NRXN1: variants seen among roughly 807,000 people sequenced by gnomAD.
NRXN1 encodes the protein neurexin-1.
In NRXN1, 39 loss-of-function variants were observed where a neutral mutation model predicts 150.9. That is an observed-to-expected ratio of 0.26 (90% CI 0.20 to 0.34). The LOEUF (loss-of-function observed/expected upper bound fraction) is 0.34, where lower values mean the gene tolerates loss of function less well. NRXN1 is among the 10% of genes least tolerant of loss of function. The pLI is 1.00. For missense variants in NRXN1, 1,815 were observed against 1,949.9 expected (o/e 0.93, Z 1.30); for synonymous variants, 924 against 757.0 (o/e 1.22, Z -3.62).
chr2:50,318,831 G>A (rs1489698869), intron 17 of NRXN1, among the ~76,000 whole-genome samples: 1 of 151,878 alleles, frequency 6.6e-6, no homozygotes, highest in East Asian at 1.9e-4. Context: ...TAAATAAGAG[G>A]GGCATACACA....
At chr2:50,293,291 A>T (rs1027656002) in intron 17 of NRXN1, among the ~76,000 whole-genome samples, 22 of 152,108 alleles carry the variant, frequency 1.4e-4, no homozygotes, top group African/African-American at 4.8e-4. Context: ...CAACATGCCC[A>T]TATAGTTATA....
chr2:49,926,307 G>C (rs540019975), intron 22 of NRXN1: 1 of 398,388 alleles, frequency 2.5e-6, no homozygotes, highest in Admixed American at 4.4e-5. Flanking sequence ...CCACTGAAAA[G>C]TAGTTTTTAA....
At chr2:49,993,204 CA>C (rs1682325666) in intron 21 of NRXN1, among the ~76,000 whole-genome samples, 1 of 152,048 alleles carries the variant, frequency 6.6e-6, no homozygotes, top group Non-Finnish European at 1.5e-5. Flanking sequence ...GTGGTACACC[CA>C]GATAATGGAA....
intron 17 of NRXN1, among the ~76,000 whole-genome samples, chr2:50,287,680 C>T (rs1199810541): frequency 6.6e-6 from 1 of 152,044 alleles, no homozygotes; most frequent in Non-Finnish European, 1.5e-5. Flanking sequence ...TTTCTGTTTC[C>T]ATATTTTATG....
chr2:50,815,134 C>T (rs1463496032), intron 5 of NRXN1, among the ~76,000 whole-genome samples: 1 of 151,942 alleles, frequency 6.6e-6, no homozygotes, highest in African/African-American at 2.4e-5. Flanking sequence ...ACTGTGTTTG[C>T]ACTATTCCTA....
Position 51,027,595 on chromosome 2 carries a change from C to T in NRXN1, c.679G>A (p.Val227Met). The T allele has an allele frequency of 6.2e-7, 1 of 1,604,986 alleles. No homozygotes were observed. Among genetic ancestry groups the T allele is most frequent in the South Asian group, 1.1e-5 (1 of 89,862 alleles). ...GAGCACACACCTCCGTTGAGGCACACCCCGCCCTCGCCCTCCTCGCCCGCC... is the reference window on the plus strand; with the variant it reads ...GAGCACACACCTCCGTTGAGGCACATCCCGCCCTCGCCCTCCTCGCCCGCC... Reference protein sequence around the residue: ...CEAGEEGEGGVCLNGGVCSVV... With the variant: ...CEAGEEGEGGMCLNGGVCSVV... The change falls in exon 2 of 23, where the codon GTG becomes ATG. Residue 227 changes from valine (V) to methionine (M), a missense_variant. Around this residue, in one of 6 missense-constraint regions of NRXN1, gnomAD observed 554 missense variants for 478.8 expected, o/e 1.16. Coordinates refer to ENST00000401669, the MANE Select transcript of NRXN1 (RefSeq NM_001330078.2).
intron 5 of NRXN1, among the ~76,000 whole-genome samples, chr2:50,861,029 T>C (rs1413047474): frequency 6.6e-6 from 1 of 152,082 alleles, no homozygotes; most frequent in Non-Finnish European, 1.5e-5. Flanking sequence ...TCAAAGTAAG[T>C]ATAAATGGGC....
At chr2:50,206,540 T>C (rs1004788934) in intron 18 of NRXN1, among the ~76,000 whole-genome samples, 2 of 151,958 alleles carry the variant, frequency 1.3e-5, no homozygotes, top group East Asian at 1.9e-4. Context: ...CCATACCCTC[T>C]GTCTAAACCT....
At chr2:50,362,418 T>C (rs569747115) in intron 17 of NRXN1, among the ~76,000 whole-genome samples, 3 of 152,316 alleles carry the variant, frequency 2.0e-5, no homozygotes, top group Admixed American at 1.3e-4. Flanking sequence ...ACAAAATCAA[T>C]GTGCAAAAAT....
At chr2:50,729,703 C>T (rs571903122) in intron 5 of NRXN1, among the ~76,000 whole-genome samples, 1 of 152,306 alleles carries the variant, frequency 6.6e-6, no homozygotes, top group East Asian at 1.9e-4. Context: ...AGAACAGCCT[C>T]CCTCGGGGAC....
intron 17 of NRXN1, among the ~76,000 whole-genome samples, chr2:50,379,118 A>T (rs1460546419): frequency 6.7e-6 from 1 of 149,112 alleles, no homozygotes; most frequent in Non-Finnish European, 1.5e-5. Context: ...GGATAGAAAG[A>T]AAAAAAAAGA....
At chr2:50,324,515 G>A (rs2076259287) in intron 17 of NRXN1, among the ~76,000 whole-genome samples, 1 of 152,202 alleles carries the variant, frequency 6.6e-6, no homozygotes. Context: ...CATGTGTAAA[G>A]TGTGTAAGTC....
intron 21 of NRXN1, among the ~76,000 whole-genome samples, chr2:49,947,742 G>A (rs567379300): frequency 1.3e-5 from 2 of 151,686 alleles, no homozygotes; most frequent in East Asian, 1.9e-4. Context: ...CCAAAGTTGA[G>A]AACCCCTGCT....
At chr2:50,915,815 A>G (rs1395865623) in intron 5 of NRXN1, among the ~76,000 whole-genome samples, 1 of 150,950 alleles carries the variant, frequency 6.6e-6, no homozygotes, top group Non-Finnish European at 1.5e-5. Flanking sequence ...TCCTCTATGC[A>G]CTTTTGCAAT....
intron 8 of NRXN1, among the ~76,000 whole-genome samples, chr2:50,605,136 G>A (rs748880803): frequency 4.6e-5 from 7 of 152,156 alleles, no homozygotes; most frequent in South Asian, 2.1e-4. Context: ...ATATCTAATT[G>A]AGTATGTGTT....
intron 7 of NRXN1, 80 bp from the exon 8 acceptor site, chr2:50,620,263 T>A (rs1262230985): frequency 6.9e-7 from 1 of 1,439,036 alleles, no homozygotes; most frequent in African/African-American, 1.4e-5. Context: ...TGTTTTGTGT[T>A]TTGCTTTTGT....
chr2:50,553,859 A>G (rs1307850508), intron 8 of NRXN1, among the ~76,000 whole-genome samples: 3 of 152,192 alleles, frequency 2.0e-5, no homozygotes, highest in African/African-American at 7.2e-5. Context: ...TCCAATTAAC[A>G]CATTTGATAA....
At chr2:50,377,572 AGTTG>A (rs2080610239) in intron 17 of NRXN1, among the ~76,000 whole-genome samples, 2 of 152,112 alleles carry the variant, frequency 1.3e-5, no homozygotes, top group African/African-American at 4.8e-5. Context: ...AGTTGGGACT[AGTTG>A]ATCTCCAAAG....
At chr2:50,271,410 T>G (rs770663128) in intron 17 of NRXN1, among the ~76,000 whole-genome samples, 7 of 152,194 alleles carry the variant, frequency 4.6e-5, no homozygotes, top group Non-Finnish European at 1.0e-4. Flanking sequence ...ATCCAAATGA[T>G]CACTCAAAAT....
Sources: gnomAD v4.1 joint callset for allele counts (sites outside exome capture counted in the v4.1 genomes callset) on GRCh38, gnomAD v4.1.1 for gene constraint, gnomAD v4.1.1 regional missense constraint, MANE v1.5 for transcripts, NCBI Gene and HGNC (gene_info 2026-07-23, HGNC 2026-07-21) for gene names.